The following TSHZ2 variants were observed in gnomAD, a reference collection of about 807,000 sequenced individuals.
TSHZ2 encodes teashirt homolog 2.
Under a neutral mutation model 74.4 loss-of-function variants are expected in TSHZ2, and 21 were observed. The observed-to-expected ratio is 0.28, with a 90% CI of 0.20 to 0.41. The LOEUF is 0.41. TSHZ2 is among the 10% of genes least tolerant of loss of function. The probability of loss-of-function intolerance (pLI) is 1.00; values close to 1 mark genes in which losing one functional copy is unlikely to be tolerated. For synonymous variants in TSHZ2, 540 were observed against 515.3 expected (o/e 1.05, Z -0.65); for missense variants, 1,244 against 1,293.5 (o/e 0.96, Z 0.59).
At chr20:53,270,924 C>A (rs1381476794) in intron 2 of TSHZ2, among the ~76,000 whole-genome samples, 1 of 152,174 alleles carries the variant, frequency 6.6e-6, no homozygotes, top group Non-Finnish European at 1.5e-5. Context: ...CCCCCTCCCC[C>A]TGTACTTGCG....
chr20:53,381,146 T>C (rs1181448570), intron 2 of TSHZ2, among the ~76,000 whole-genome samples: 1 of 152,168 alleles, frequency 6.6e-6, no homozygotes, highest in African/African-American at 2.4e-5. Flanking sequence ...AGAGAATGTA[T>C]AAAATATGTA....
At chr20:53,424,372 A>AATG (rs1201085038) in intron 2 of TSHZ2, among the ~76,000 whole-genome samples, 2 of 152,226 alleles carry the variant, frequency 1.3e-5, no homozygotes, top group African/African-American at 4.8e-5. Context: ...TGAGCTATGA[A>AATG]ATGAGAATAA....
intron 2 of TSHZ2, among the ~76,000 whole-genome samples, chr20:53,320,227 G>A (rs920552330): frequency 3.3e-5 from 5 of 152,174 alleles, no homozygotes; most frequent in Non-Finnish European, 2.9e-5. Flanking sequence ...GGCTTCTAAG[G>A]TTGGTGTATT....
At position 53,329,950 on chromosome 20, in the gene TSHZ2, A is replaced by G. The variant is rs960497224; in HGVS notation, c.*8+73379A>G. ...GTTGATACACTGAAACCCTCAGGCC[A>G]AATCCAACCCACTGCCTGTTTTATA... On this transcript the variant is annotated intron_variant, in intron 2 of 2. Transcript: ENST00000371497. Among the ~76,000 whole-genome samples the G allele has an allele frequency of 2.6e-5, 4 of 152,238 alleles. No homozygotes were observed. In the South Asian group the frequency reaches 8.3e-4, roughly 32 times the overall value.
At chr20:53,204,208 TATGATACTATATCATCATATGATGATATG>T (rs2123586062) in intron 1 of TSHZ2, among the ~76,000 whole-genome samples, 1 of 134,004 alleles carries the variant, frequency 7.5e-6, no homozygotes, top group African/African-American at 2.7e-5. Context: ...CATATGATGA[TATGATACTATATCATCATATGATGATATG>T]ATACTATATC....
At chr20:53,289,222 G>A (rs180782150) in intron 2 of TSHZ2, among the ~76,000 whole-genome samples, 272 of 152,272 alleles carry the variant, frequency 1.8e-3, no homozygotes, top group Non-Finnish European at 3.2e-3. Context: ...TGGTTGATGG[G>A]CATTTAGACT....
chr20:53,235,683 G>C (rs376850259), intron 1 of TSHZ2, among the ~76,000 whole-genome samples: 1 of 152,268 alleles, frequency 6.6e-6, no homozygotes, highest in East Asian at 1.9e-4. Flanking sequence ...CCAATAATGA[G>C]AGAGATTTTA....
chr20:53,058,073 G>A (rs140241854), intron 1 of TSHZ2, among the ~76,000 whole-genome samples: 10 of 152,224 alleles, frequency 6.6e-5, no homozygotes, highest in South Asian at 2.1e-4. Context: ...CATGAGGATC[G>A]CACAACGTAG....
intron 1 of TSHZ2, among the ~76,000 whole-genome samples, chr20:53,157,120 C>T (rs1987813623): frequency 6.6e-6 from 1 of 152,188 alleles, no homozygotes; most frequent in Non-Finnish European, 1.5e-5. Context: ...CAAACATCTA[C>T]CTCTACTCAA....
chr20:53,102,499 G>A (rs1043966325), intron 1 of TSHZ2, among the ~76,000 whole-genome samples: 13 of 150,742 alleles, frequency 8.6e-5, no homozygotes, highest in Non-Finnish European at 1.6e-4. Context: ...GGGAGAGGAA[G>A]GAAGAAGAGG....
At chr20:53,369,494 G>T (rs1981389937) in intron 2 of TSHZ2, among the ~76,000 whole-genome samples, 1 of 151,528 alleles carries the variant, frequency 6.6e-6, no homozygotes, top group African/African-American at 2.4e-5. Flanking sequence ...ATCACCTGAG[G>T]CCAGGAGTTC....
At chr20:53,244,131 GA>G (rs1990142609) in intron 1 of TSHZ2, among the ~76,000 whole-genome samples, 1 of 151,798 alleles carries the variant, frequency 6.6e-6, no homozygotes, top group African/African-American at 2.4e-5. Flanking sequence ...ATATATATCT[GA>G]AAAAATACAG....
chr20:53,055,576 C>T (rs1984613211), intron 1 of TSHZ2, among the ~76,000 whole-genome samples: 1 of 152,090 alleles, frequency 6.6e-6, no homozygotes, highest in African/African-American at 2.4e-5. Flanking sequence ...TGAATCCATT[C>T]CCATTTTTAC....
At chr20:53,484,604 T>C (rs1170659730) in intron 2 of TSHZ2, among the ~76,000 whole-genome samples, 2 of 152,156 alleles carry the variant, frequency 1.3e-5, no homozygotes, top group Non-Finnish European at 2.9e-5. Context: ...TAGGCTGGTC[T>C]TGATCTCATA....
rs61445726 is a variant in TSHZ2 at position 53,033,651 on chromosome 20, C to CTTTTTT, written c.40+60338_40+60343dup. On this transcript the variant is annotated intron_variant, in intron 1 of 2. Coordinates refer to ENST00000371497, the MANE Select transcript of TSHZ2 (RefSeq NM_173485.6). ...GCCCTCTGCATTGATTGATAAAAAG[C>CTTTTTT]TTTTTTTTTTTTTTTTTTTTTTTTT... 4.2e-3 allele frequency among the ~76,000 whole-genome samples: 250 copies of CTTTTTT among 59,018 alleles called. 31 individuals are homozygous for CTTTTTT. The highest frequency in any genetic ancestry group is 0.021 in the East Asian group (33 of 1,582). 38.7% of individuals were successfully genotyped at this position (59,018 alleles called of 152,430 possible). A position where few individuals can be genotyped will look rare whatever the true frequency, so the allele number is the denominator to read the frequency against.
chr20:53,447,804 G>A (rs913535206), intron 2 of TSHZ2, among the ~76,000 whole-genome samples: 1 of 152,120 alleles, frequency 6.6e-6, no homozygotes, highest in Non-Finnish European at 1.5e-5. Flanking sequence ...CTCTCTCCTC[G>A]GTGCCTCATA....
intron 1 of TSHZ2, among the ~76,000 whole-genome samples, chr20:53,127,437 C>T (rs984536771): frequency 5.3e-5 from 8 of 152,260 alleles, no homozygotes; most frequent in Non-Finnish European, 1.2e-4. Flanking sequence ...GGCATAGTGG[C>T]GCACGCCTGT....
At chr20:52,983,159 ACCTGGGGT>A in intron 1 of TSHZ2, among the ~76,000 whole-genome samples, 1 of 152,300 alleles carries the variant, frequency 6.6e-6, no homozygotes. Context: ...AGTCAAGCCG[ACCTGGGGT>A]CCAACTGCAG....
At chr20:53,129,953 C>G (rs2123379544) in intron 1 of TSHZ2, among the ~76,000 whole-genome samples, 1 of 151,968 alleles carries the variant, frequency 6.6e-6, no homozygotes, top group South Asian at 2.1e-4. Context: ...TGCTTTTATA[C>G]TCGTTTTCCT....
Sources: allele counts gnomAD v4.1 joint callset (sites outside exome capture counted in the v4.1 genomes callset), GRCh38; gene constraint gnomAD v4.1.1; transcripts MANE v1.5; gene names NCBI Gene and HGNC (gene_info 2026-07-23, HGNC 2026-07-21).